Variants in TUBB8 observed in about 807,000 individuals in gnomAD.
The protein encoded by TUBB8 is tubulin beta 8 class VIII.
In TUBB8, 25 loss-of-function variants were observed where a neutral mutation model predicts 33.7. The ratio of observed to expected loss-of-function variants is 0.74; its 90% CI spans 0.54 to 1.04. TUBB8 has a LOEUF of 1.04. Ranked by LOEUF, TUBB8 falls within the 50% of genes least tolerant of loss-of-function variation. The pLI, the probability that TUBB8 is intolerant of heterozygous loss-of-function variation, is 0.00. For missense variants in TUBB8, 279 were observed against 608.0 expected, an observed-to-expected ratio of 0.46 and a Z score of 5.69; for synonymous variants, 245 against 240.1, an observed-to-expected ratio of 1.02 and a Z score of -0.19.
At chr10:67,741 T>C (rs1554741796) in intron 1 of TUBB8, among the ~76,000 whole-genome samples, 3 of 152,204 alleles carry the variant, frequency 2.0e-5, no homozygotes, top group Non-Finnish European at 1.5e-5. Flanking sequence ...ACAAGTCTTG[T>C]ACCTTGGTTA....
chr10:69,429 T>C (rs868996405), intron 1 of TUBB8, among the ~76,000 whole-genome samples: 1 of 152,186 alleles, frequency 6.6e-6, no homozygotes, highest in South Asian at 2.1e-4. Context: ...TATCTAACAG[T>C]AGTAAAGTTA....
intron 1 of TUBB8, among the ~76,000 whole-genome samples, chr10:73,630 C>A (rs1554742678): frequency 1.3e-5 from 2 of 151,650 alleles, no homozygotes; most frequent in African/African-American, 4.8e-5. Flanking sequence ...GAAACAAGAG[C>A]GAAAGTCCGT....
At chr10:58,632 C>T (rs1437297560) in intron 1 of TUBB8, among the ~76,000 whole-genome samples, 7 of 151,842 alleles carry the variant, frequency 4.6e-5, no homozygotes, top group African/African-American at 1.2e-4. Context: ...AACAGAGGGG[C>T]GAGTTACACA....
At chr10:73,309 CTG>C (rs1372065833) in intron 1 of TUBB8, among the ~76,000 whole-genome samples, 1 of 152,218 alleles carries the variant, frequency 6.6e-6, no homozygotes, top group Non-Finnish European at 1.5e-5. Context: ...TTCCATTTTC[CTG>C]TGTTGTTTCT....
At chr10:51,663 G>A (rs1199044381), upstream of TUBB8, among the ~76,000 whole-genome samples, 3 of 152,114 alleles carry the variant, frequency 2.0e-5, no homozygotes, top group South Asian at 6.2e-4. Context: ...TTATGGCTTG[G>A]CAGGCTTTAA....
chr10:68,190 T>G (rs1368142959), intron 1 of TUBB8, among the ~76,000 whole-genome samples: 1 of 152,224 alleles, frequency 6.6e-6, no homozygotes, highest in Non-Finnish European at 1.5e-5. Flanking sequence ...AATACTGATA[T>G]GACACCCACA....
chr10:48,820 G>A lies in TUBB8; in HGVS notation c.150C>T (p.Tyr50=). ...SHLQLERINV[Y]YNEASGGRYV... ...GGGTCTCACCGCTGGCCTCGTTGTAGTACACGTTGATGCGCTCCAGCTGCA... is the reference window on the plus strand; with the variant it reads ...GGGTCTCACCGCTGGCCTCGTTGTAATACACGTTGATGCGCTCCAGCTGCA... Residue 50 remains tyrosine (Y), a synonymous_variant, in exon 2 of 4, where the codon TAC becomes TAT. Transcript: ENST00000568584. The A allele has an allele frequency of 6.2e-7, 1 of 1,610,134 alleles. No homozygotes were observed. Among genetic ancestry groups the A allele is most frequent in the Non-Finnish European group, 8.5e-7 (1 of 1,178,732 alleles).
chr10:63,729 G>A (rs1349984369), intron 1 of TUBB8, among the ~76,000 whole-genome samples: 3 of 152,092 alleles, frequency 2.0e-5, no homozygotes, highest in Non-Finnish European at 4.4e-5. Context: ...ACCTCAACCA[G>A]CTATTTTGGA....
upstream of TUBB8, among the ~76,000 whole-genome samples, chr10:75,718 A>G (rs1163966270): frequency 6.7e-6 from 1 of 148,698 alleles, no homozygotes; most frequent in Non-Finnish European, 1.5e-5. Context: ...TATTTTCTTT[A>G]TTTTCTTTTT....
chr10:69,680 T>G (rs1834712154), intron 1 of TUBB8, among the ~76,000 whole-genome samples: 1 of 152,102 alleles, frequency 6.6e-6, no homozygotes, highest in African/African-American at 2.4e-5. Context: ...ATCCCAGCAC[T>G]TTGGGGGGAT....
chr10:47,170 A>G lies in TUBB8; in HGVS notation c.1222T>C (p.Phe408Leu). ...YTGEGMDEME[F>L]TEAESNMNDL... ...TTCATGTTGCTCTCGGCCTCGGTGA[A>G]TTCCATCTCATCCATGCCCTCGCCC... Residue 408 changes from phenylalanine (F) to leucine (L), a missense_variant, in exon 4 of 4, where the codon TTC becomes CTC. Physicochemically the swap from Phe to Leu is conservative, Grantham distance 22. Transcript: ENST00000568584. The G allele has an allele frequency of 6.2e-7, 1 of 1,606,950 alleles. No individual in the cohort carries two copies. The highest frequency in any genetic ancestry group is 1.3e-5 in the African/African-American group (1 of 74,456).
chr10:64,461 TAACCCC>T (rs1220065462), intron 1 of TUBB8, among the ~76,000 whole-genome samples: 2 of 149,210 alleles, frequency 1.3e-5, no homozygotes, highest in African/African-American at 4.9e-5. Flanking sequence ...TCTAAAACCC[TAACCCC>T]AACCCCAACA....
At chr10:56,374 G>A (rs1327888926) in intron 1 of TUBB8, among the ~76,000 whole-genome samples, 1 of 152,056 alleles carries the variant, frequency 6.6e-6, no homozygotes, top group Non-Finnish European at 1.5e-5. Context: ...TTTTTTGATG[G>A]ATATATTAGG....
At chr10:61,876 T>A (rs1271814038) in intron 1 of TUBB8, among the ~76,000 whole-genome samples, 1 of 152,234 alleles carries the variant, frequency 6.6e-6, no homozygotes, top group African/African-American at 2.4e-5. Context: ...CAGTCTTTTG[T>A]TGAAATCTAT....
chr10:63,346 G>A (rs1159935005), intron 1 of TUBB8, among the ~76,000 whole-genome samples: 2 of 152,216 alleles, frequency 1.3e-5, no homozygotes, highest in Admixed American at 1.3e-4. Context: ...AAAGTGCTGG[G>A]ATTACAGGCG....
At chr10:52,443 G>A (rs1315977738), upstream of TUBB8, among the ~76,000 whole-genome samples, 1 of 152,228 alleles carries the variant, frequency 6.6e-6, no homozygotes, top group Non-Finnish European at 1.5e-5. Flanking sequence ...AGAGCACAGT[G>A]AAAGAAGCAA....
chr10:60,817 G>C (rs1235095503), intron 1 of TUBB8, among the ~76,000 whole-genome samples: 1 of 151,888 alleles, frequency 6.6e-6, no homozygotes, highest in Non-Finnish European at 1.5e-5. Flanking sequence ...CAAAGACTTG[G>C]AACCAACCCA....
chr10:59,749 T>C (rs1161740590), intron 1 of TUBB8, among the ~76,000 whole-genome samples: 1 of 145,186 alleles, frequency 6.9e-6, no homozygotes, highest in Non-Finnish European at 1.5e-5. Flanking sequence ...TGTTCTTTCC[T>C]TCTCTATTTT....
chr10:54,366 G>A (rs2130937711), intron 1 of TUBB8, among the ~76,000 whole-genome samples: 1 of 151,506 alleles, frequency 6.6e-6, no homozygotes, highest in East Asian at 1.9e-4. Flanking sequence ...GCAAATGACA[G>A]ACTCTCATTC....
Sources: gnomAD v4.1 joint callset for allele counts (sites outside exome capture counted in the v4.1 genomes callset) on GRCh38, gnomAD v4.1.1 for gene constraint, MANE v1.5 for transcripts, NCBI Gene and HGNC (gene_info 2026-07-23, HGNC 2026-07-21) for gene names.